Variants in TBCK observed in about 807,000 individuals in gnomAD.
The protein encoded by TBCK is TBC1 domain containing kinase, also known as TBC domain-containing protein kinase-like protein.
Under a neutral mutation model 113.4 loss-of-function variants are expected in TBCK, and 99 were observed. The observed-to-expected ratio is 0.87, with a 90% CI of 0.74 to 1.03. TBCK has a LOEUF of 1.03. Ranked by LOEUF, TBCK falls within the 50% of genes least tolerant of loss-of-function variation. TBCK has a pLI of 0.00. For synonymous variants in TBCK, 369 were observed against 370.8 expected (o/e 1.00, Z 0.05); for missense variants, 1,045 against 1,061.3 (o/e 0.98, Z 0.21).
intron 3 of TBCK, among the ~76,000 whole-genome samples, chr4:106,281,700 A>C (rs1050898841): frequency 3.3e-5 from 5 of 152,050 alleles, no homozygotes; most frequent in Non-Finnish European, 7.4e-5. Context: ...CATTCTGTTG[A>C]TATTATGCAT....
intron 22 of TBCK, among the ~76,000 whole-genome samples, chr4:106,180,489 AC>A (rs1312536779): frequency 6.6e-6 from 1 of 151,782 alleles, no homozygotes; most frequent in Admixed American, 6.6e-5. Flanking sequence ...GCACCCATCA[AC>A]CCGTCACCTA....
At chr4:106,154,480 T>G (rs952226922) in intron 23 of TBCK, among the ~76,000 whole-genome samples, 44 of 152,192 alleles carry the variant, frequency 2.9e-4, no homozygotes, top group Admixed American at 3.9e-4. Context: ...CCAAATCTCA[T>G]GTCAAATTGT....
At chr4:106,164,586 G>A (rs573096604) in intron 23 of TBCK, 1 of 151,824 alleles carries the variant, frequency 6.6e-6, no homozygotes, top group East Asian at 1.9e-4. Context: ...CTGATAAAAT[G>A]GCAATTTATA....
intron 23 of TBCK, among the ~76,000 whole-genome samples, chr4:106,164,890 A>G (rs1214977001): frequency 1.3e-5 from 2 of 151,786 alleles, no homozygotes; most frequent in East Asian, 3.9e-4. Flanking sequence ...TGTTTAATCT[A>G]TACTGAAAGC....
At chr4:106,249,389 T>G (rs925397638) in intron 7 of TBCK, among the ~76,000 whole-genome samples, 1 of 152,134 alleles carries the variant, frequency 6.6e-6, no homozygotes, top group Non-Finnish European at 1.5e-5. Flanking sequence ...AATACAGTAT[T>G]TGTGGATGCG....
intron 25 of TBCK, among the ~76,000 whole-genome samples, chr4:106,078,251 C>T (rs1048087390): frequency 3.9e-5 from 6 of 152,014 alleles, no homozygotes; most frequent in African/African-American, 1.4e-4. Context: ...ACAAACCAAA[C>T]CCAAAGCTAG....
At chr4:106,057,750 G>A (rs1442570801) in intron 25 of TBCK, among the ~76,000 whole-genome samples, 1 of 151,594 alleles carries the variant, frequency 6.6e-6, no homozygotes, top group African/African-American at 2.4e-5. Flanking sequence ...TTCTTCCTTC[G>A]CAGTACTATT....
chr4:106,197,202 A>G (rs1034773140), intron 20 of TBCK, among the ~76,000 whole-genome samples: 2 of 152,002 alleles, frequency 1.3e-5, no homozygotes, highest in African/African-American at 4.8e-5. Context: ...GAATATGCAG[A>G]GTAGGAAATC....
chr4:106,205,059 C>G (rs544290319), intron 20 of TBCK, among the ~76,000 whole-genome samples: 2 of 152,132 alleles, frequency 1.3e-5, no homozygotes, highest in East Asian at 3.9e-4. Context: ...GCCACCGCGC[C>G]CGGCCCAAAC....
At chr4:106,152,167 T>C (rs1294902051) in intron 23 of TBCK, among the ~76,000 whole-genome samples, 1 of 151,944 alleles carries the variant, frequency 6.6e-6, no homozygotes, top group Non-Finnish European at 1.5e-5. Flanking sequence ...TTCTTGATCT[T>C]AGAGGAAAGG....
At chr4:106,272,409 C>A (rs1490583891) in intron 3 of TBCK, among the ~76,000 whole-genome samples, 1 of 151,400 alleles carries the variant, frequency 6.6e-6, no homozygotes, top group African/African-American at 2.4e-5. Flanking sequence ...AACTTAATTT[C>A]TTTTGACGCT....
chr4:106,097,618 C>T (rs1011503652), intron 24 of TBCK, among the ~76,000 whole-genome samples: 4 of 152,066 alleles, frequency 2.6e-5, no homozygotes, highest in Non-Finnish European at 5.9e-5. Flanking sequence ...ATTTAGAAAT[C>T]TCTTCTTGTT....
intron 23 of TBCK, among the ~76,000 whole-genome samples, chr4:106,124,576 C>A (rs1350866449): frequency 6.6e-6 from 1 of 152,072 alleles, no homozygotes; most frequent in Admixed American, 6.5e-5. Flanking sequence ...GCATTATTCA[C>A]AATAGCAAAG....
chr4:106,187,294 T>C (rs1005729221), intron 22 of TBCK, among the ~76,000 whole-genome samples: 4 of 152,206 alleles, frequency 2.6e-5, no homozygotes, highest in Non-Finnish European at 5.9e-5. Flanking sequence ...GGTAGTTTGA[T>C]AGGAATAGCA....
chr4:106,205,060 C>A (rs186972880), intron 20 of TBCK, among the ~76,000 whole-genome samples: 7 of 152,054 alleles, frequency 4.6e-5, no homozygotes, highest in African/African-American at 1.2e-4. Flanking sequence ...CCACCGCGCC[C>A]GGCCCAAACA....
chr4:106,244,513 T>A lies in TBCK; in HGVS notation c.1070+113A>T, dbSNP rs574600553. The A allele has an allele frequency of 3.1e-5, 31 of 1,015,946 alleles. No individual in the cohort carries two copies. In the East Asian group the frequency reaches 8.7e-4, roughly 28 times the overall value. The allele number at this position is 1,015,946 out of a possible 1,614,324, so 62.9% of individuals were successfully genotyped here. A position where few individuals can be genotyped will look rare whatever the true frequency, so the allele number is the denominator to read the frequency against. On this transcript the variant is annotated intron_variant, in intron 11 of 25. Coordinates refer to ENST00000394708, the MANE Select transcript of TBCK (RefSeq NM_001163435.3). ...GCTGGGATGCCTACCAAAAAAATTT[T>A]AAAAACAACCAATTTAAAAAAAAAA...
chr4:106,184,865 T>C (rs1372610625), intron 22 of TBCK, among the ~76,000 whole-genome samples: 3 of 152,126 alleles, frequency 2.0e-5, no homozygotes, highest in African/African-American at 7.2e-5. Flanking sequence ...ATTACTGATA[T>C]ATGGGTAAAC....
intron 24 of TBCK, among the ~76,000 whole-genome samples, chr4:106,112,701 T>A (rs942969717): frequency 6.6e-6 from 1 of 152,158 alleles, no homozygotes; most frequent in African/African-American, 2.4e-5. Context: ...TAGATCAACA[T>A]ACACATCCTA....
At chr4:106,123,704 A>G (rs1487447874) in intron 23 of TBCK, among the ~76,000 whole-genome samples, 1 of 152,112 alleles carries the variant, frequency 6.6e-6, no homozygotes, top group African/African-American at 2.4e-5. Context: ...TCGCATATCT[A>G]CAACTACCTG....
Sources: allele counts gnomAD v4.1 joint callset (sites outside exome capture counted in the v4.1 genomes callset), GRCh38; gene constraint gnomAD v4.1.1; transcripts MANE v1.5; gene names NCBI Gene and HGNC (gene_info 2026-07-23, HGNC 2026-07-21).